Variants in RRAS2 observed in about 807,000 individuals in gnomAD.
RRAS2 encodes the protein RAS related 2, also known as ras-related protein R-Ras2.
RRAS2 carries 7 observed loss-of-function variants against 27.6 expected under a neutral mutation model. That is an observed-to-expected ratio of 0.25 (90% CI 0.14 to 0.48). The LOEUF (loss-of-function observed/expected upper bound fraction) is 0.48, where lower values mean the gene tolerates loss of function less well. RRAS2 is among the 20% of genes least tolerant of loss of function. The probability of loss-of-function intolerance (pLI) is 0.99; values close to 1 mark genes in which losing one functional copy is unlikely to be tolerated. For missense variants in RRAS2, 178 were observed against 256.2 expected, an observed-to-expected ratio of 0.69 and a Z score of 2.08; for synonymous variants, 86 against 90.9, an observed-to-expected ratio of 0.95 and a Z score of 0.31.
At chr11:14,318,042 G>A (rs1267624480) in intron 1 of RRAS2, among the ~76,000 whole-genome samples, 1 of 152,164 alleles carries the variant, frequency 6.6e-6, no homozygotes, top group Admixed American at 6.6e-5. Context: ...TCATTTTCAT[G>A]ATATTTCCCC....
At chr11:14,359,229 C>A, upstream of RRAS2, 1 of 92,736 alleles carries the variant, frequency 1.1e-5, no homozygotes, top group Non-Finnish European at 2.2e-5. Flanking sequence ...CATGAGGGGG[C>A]GGGGAGGGGC....
chr11:14,342,946 A>G (rs1848747502), intron 1 of RRAS2, among the ~76,000 whole-genome samples: 1 of 152,242 alleles, frequency 6.6e-6, no homozygotes, highest in Non-Finnish European at 1.5e-5. Flanking sequence ...AAACGAAGAA[A>G]AGTCACTAAT....
intron 1 of RRAS2, among the ~76,000 whole-genome samples, chr11:14,324,745 G>A (rs910793676): frequency 1.9e-4 from 29 of 152,148 alleles, no homozygotes; most frequent in African/African-American, 6.0e-4. Context: ...AACACAGCAG[G>A]GAAACTTATC....
intron 1 of RRAS2, among the ~76,000 whole-genome samples, chr11:14,297,425 C>A (rs1218555072): frequency 3.3e-5 from 5 of 152,154 alleles, no homozygotes; most frequent in African/African-American, 1.2e-4. Flanking sequence ...TGCCTGATAC[C>A]ATGACTTTAC....
At chr11:14,346,130 T>C (rs1372315185) in intron 1 of RRAS2, among the ~76,000 whole-genome samples, 9 of 152,160 alleles carry the variant, frequency 5.9e-5, no homozygotes, top group African/African-American at 2.2e-4. Context: ...AGACAGTAAT[T>C]ATGTGTGACA....
chr11:14,310,572 A>C (rs542431223), intron 1 of RRAS2, among the ~76,000 whole-genome samples: 21 of 152,334 alleles, frequency 1.4e-4, no homozygotes, highest in African/African-American at 4.8e-4. Flanking sequence ...AAGTAATCAT[A>C]ATAACAGTGA....
chr11:14,359,085 C>T lies in RRAS2; in HGVS notation c.-215G>A. On this transcript the variant is annotated 5_prime_UTR_variant, in exon 1 of 6. Transcript: ENST00000256196. ...GAGGCGCGGAGAAGCGGGGTGACGG[C>T]ACGGGCCAGGGGCGGCAGCGGCCGG... 2.8e-6 allele frequency: 3 copies of T among 1,086,240 alleles called. No individual in the cohort carries two copies. The highest frequency in any genetic ancestry group is 3.3e-6 in the Non-Finnish European group (3 of 895,810). The allele number at this position is 1,086,240 out of a possible 1,614,324, so 67.3% of individuals were successfully genotyped here.
At chr11:14,340,549 A>C (rs1294350524) in intron 1 of RRAS2, among the ~76,000 whole-genome samples, 1 of 152,214 alleles carries the variant, frequency 6.6e-6, no homozygotes, top group African/African-American at 2.4e-5. Context: ...CACTGGAATG[A>C]GAAGAATGGC....
At chr11:14,283,607 T>C (rs1849596732) in intron 4 of RRAS2, among the ~76,000 whole-genome samples, 1 of 152,160 alleles carries the variant, frequency 6.6e-6, no homozygotes, top group Admixed American at 6.6e-5. Context: ...ACTGATATTA[T>C]CTTTTTTTTT....
At chr11:14,296,188 AAAT>A (rs1847545825) in intron 1 of RRAS2, among the ~76,000 whole-genome samples, 1 of 151,884 alleles carries the variant, frequency 6.6e-6, no homozygotes, top group South Asian at 2.1e-4. Context: ...TCAAAAATAA[AAAT>A]AAATAAAATA....
chr11:14,334,454 T>C (rs1188024448), intron 1 of RRAS2, among the ~76,000 whole-genome samples: 1 of 152,114 alleles, frequency 6.6e-6, no homozygotes, highest in Non-Finnish European at 1.5e-5. Flanking sequence ...TTAAGTTATA[T>C]ATATAATTCT....
At chr11:14,326,274 G>C (rs1350645554) in intron 1 of RRAS2, among the ~76,000 whole-genome samples, 2 of 152,130 alleles carry the variant, frequency 1.3e-5, no homozygotes, top group Non-Finnish European at 2.9e-5. Flanking sequence ...CAAGTAACTA[G>C]ACTGTTATAT....
chr11:14,293,426 TA>T (rs1315943704), intron 4 of RRAS2, among the ~76,000 whole-genome samples: 2 of 151,836 alleles, frequency 1.3e-5, no homozygotes, highest in African/African-American at 4.8e-5. Context: ...AAAAGACCTT[TA>T]AAAAAAGCCA....
Position 14,294,804 on chromosome 11 carries a change from A to C in RRAS2, c.255T>G (p.Thr85=). 1 of 1,613,852 alleles carries C rather than the reference A, an allele frequency of 6.2e-7. No individual in the cohort carries two copies. The highest frequency in any genetic ancestry group is 1.1e-5 in the South Asian group (1 of 91,068). Residue 85 remains threonine, a synonymous_variant, in exon 3 of 6, where the codon ACT becomes ACG. Coordinates refer to ENST00000256196, the MANE Select transcript of RRAS2 (RefSeq NM_012250.6). The part of the protein sequence containing the change: ...FGAMREQYMR[T]GEGFLLVFSV... Reference sequence around the variant, plus strand: ...AAAAGACCAACAGGAAGCCTTCGCCAGTCCTCATATACTGTTCTCTCATGG... The same window carrying C: ...AAAAGACCAACAGGAAGCCTTCGCCCGTCCTCATATACTGTTCTCTCATGG...
intron 1 of RRAS2, among the ~76,000 whole-genome samples, chr11:14,334,919 C>G (rs1283442085): frequency 6.6e-6 from 1 of 152,146 alleles, no homozygotes; most frequent in African/African-American, 2.4e-5. Flanking sequence ...CCAACCTCTG[C>G]TCTTACCTTC....
At chr11:14,308,720 C>A (rs534657736) in intron 1 of RRAS2, among the ~76,000 whole-genome samples, 1 of 152,192 alleles carries the variant, frequency 6.6e-6, no homozygotes, top group Non-Finnish European at 1.5e-5. Context: ...GAGACACTTT[C>A]AAGAGTTTTT....
At chr11:14,313,883 C>G (rs1554949191) in intron 1 of RRAS2, among the ~76,000 whole-genome samples, 1 of 152,068 alleles carries the variant, frequency 6.6e-6, no homozygotes, top group East Asian at 1.9e-4. Context: ...TACAGCAGAC[C>G]TAGGAAATTA....
intron 4 of RRAS2, among the ~76,000 whole-genome samples, chr11:14,291,470 T>C: frequency 6.6e-6 from 1 of 152,166 alleles, no homozygotes; most frequent in East Asian, 1.9e-4. Context: ...CAATCAGATT[T>C]CAGGCACTTG....
chr11:14,295,104 A>G (rs1564958423), intron 2 of RRAS2, among the ~76,000 whole-genome samples: 2 of 152,188 alleles, frequency 1.3e-5, no homozygotes, highest in African/African-American at 4.8e-5. Context: ...TTAGCACACT[A>G]ATTAGAAGCT....
Sources: allele counts gnomAD v4.1 joint callset (sites outside exome capture counted in the v4.1 genomes callset), GRCh38; gene constraint gnomAD v4.1.1; transcripts MANE v1.5; gene names NCBI Gene and HGNC (gene_info 2026-07-23, HGNC 2026-07-21).